Variants in AKNA observed in about 807,000 individuals in gnomAD.
AKNA encodes the protein microtubule organization protein AKNA.
Under a neutral mutation model 138.8 loss-of-function variants are expected in AKNA, and 67 were observed. The observed-to-expected ratio is 0.48, with a 90% CI of 0.40 to 0.59. AKNA has a LOEUF of 0.59. Ranked by LOEUF, AKNA falls within the 20% of genes least tolerant of loss-of-function variation. AKNA has a pLI of 0.00. For synonymous variants in AKNA, 737 were observed against 754.4 expected, an observed-to-expected ratio of 0.98 and a Z score of 0.38; for missense variants, 1,813 against 1,880.4, an observed-to-expected ratio of 0.96 and a Z score of 0.66.
At chr9:114,380,932 G>A (rs1265915124) in intron 2 of AKNA, 128 bp downstream of exon 2, 7 of 1,127,814 alleles carry the variant, frequency 6.2e-6, no homozygotes, top group Admixed American at 3.6e-5. Flanking sequence ...GTAGTGAGCC[G>A]AGATCGTGCC....
downstream of AKNA, among the ~76,000 whole-genome samples, chr9:114,333,996 T>G (rs557242576): frequency 1.6e-5 from 2 of 124,804 alleles, no homozygotes; most frequent in African/African-American, 6.5e-5. Context: ...TGTTTAAAAG[T>G]GTGTAGCACC....
intron 11 of AKNA, 78 bp from the exon 12 acceptor site, chr9:114,358,245 A>C (rs1017902399): frequency 6.3e-7 from 1 of 1,588,732 alleles, no homozygotes; most frequent in Non-Finnish European, 8.5e-7. Context: ...CTGGGAGCCA[A>C]GCAGCCCAGG....
At position 114,337,013 on chromosome 9, in the gene AKNA, G is replaced by GGGGGGGGGCC; in HGVS notation, c.*40_*41insGGCCCCCCCC. ...CCACTCCTGGCCTGGCAGGCCACCT[G>GGGGGGGGGCC]CCCACCCACCCACCCATCTGCCTCT... is the stretch of plus-strand genomic sequence containing the variant. On this transcript the variant is annotated 3_prime_UTR_variant, in exon 22 of 22. Coordinates refer to ENST00000374088, the MANE Select transcript of AKNA (RefSeq NM_001317950.2). 3 of 1,185,370 alleles carry GGGGGGGGGCC rather than the reference G, an allele frequency of 2.5e-6. No individual in the cohort carries two copies. Among genetic ancestry groups the GGGGGGGGGCC allele is most frequent in the Non-Finnish European group, 3.3e-6 (3 of 921,704 alleles). 73.4% of individuals were successfully genotyped at this position (1,185,370 alleles called of 1,614,324 possible). A position where few individuals can be genotyped will look rare whatever the true frequency, so the allele number is the denominator to read the frequency against.
intron 9 of AKNA, 163 bp from the exon 10 acceptor site, chr9:114,360,225 G>C (rs911109339): frequency 2.9e-5 from 24 of 824,562 alleles, no homozygotes; most frequent in Non-Finnish European, 4.4e-5. Flanking sequence ...ATGGAGACTG[G>C]GCTGTGTGGT....
chr9:114,379,720 A>G (rs1266826733), intron 2 of AKNA, among the ~76,000 whole-genome samples: 1 of 152,264 alleles, frequency 6.6e-6, no homozygotes, highest in East Asian at 1.9e-4. Context: ...ATAGATGGAA[A>G]AAGCAAGATT....
chr9:114,396,754 C>T (rs552079212), upstream of AKNA: 2 of 152,240 alleles, frequency 1.3e-5, no homozygotes, highest in South Asian at 4.2e-4. Context: ...AACTGAGGCA[C>T]TCAGAACTGA....
In AKNA at chr9:114,361,870, T is replaced by C; in HGVS notation, c.1958A>G (p.Glu653Gly). 1 of 1,608,014 alleles carries C rather than the reference T, an allele frequency of 6.2e-7. No individual in the cohort carries two copies. The highest frequency in any genetic ancestry group is 8.5e-7 in the Non-Finnish European group (1 of 1,179,986). ...CTGGTCTATGTGTTCCTTCAGCTCT[T>C]CCAGGCAGCTTCCCAGACGGTATAT... ...AEIYRLGSCL[E>G]ELKEHIDQTQ... is the part of the protein sequence containing the mutation. Residue 653 changes from glutamate (E) to glycine (G), a missense_variant, in exon 9 of 22, where the codon GAA becomes GGA. Coordinates refer to ENST00000374088, the MANE Select transcript of AKNA (RefSeq NM_001317950.2).
At chr9:114,388,974 G>C (rs923231239), upstream of AKNA, among the ~76,000 whole-genome samples, 13 of 152,236 alleles carry the variant, frequency 8.5e-5, no homozygotes, top group African/African-American at 3.1e-4. Flanking sequence ...AGTGTCCCAG[G>C]TGACTGGCCC....
At chr9:114,368,769 T>C (rs1832559556) in intron 4 of AKNA, among the ~76,000 whole-genome samples, 174 bp from the exon 5 acceptor site, 1 of 152,176 alleles carries the variant, frequency 6.6e-6, no homozygotes, top group Non-Finnish European at 1.5e-5. Flanking sequence ...CCTTTTCATT[T>C]ACTCTTAATG....
chr9:114,392,323 T>C (rs1210469795), upstream of AKNA, among the ~76,000 whole-genome samples: 1 of 152,236 alleles, frequency 6.6e-6, no homozygotes. Flanking sequence ...TATCTTCTAA[T>C]GCTAAACCTC....
chr9:114,379,664 T>C (rs779631377), intron 2 of AKNA, among the ~76,000 whole-genome samples: 40 of 152,280 alleles, frequency 2.6e-4, no homozygotes, highest in Non-Finnish European at 4.4e-4. Context: ...ATAGTTACCA[T>C]ATATTCAGCT....
chr9:114,364,894 G>A (rs1444500373), intron 6 of AKNA, among the ~76,000 whole-genome samples: 1 of 152,174 alleles, frequency 6.6e-6, no homozygotes, highest in East Asian at 1.9e-4. Context: ...GATATTTACT[G>A]CAGCATGAAC....
Position 114,350,839 on chromosome 9 carries a change from G to C in AKNA, c.3221+20C>G. 6.6e-7 allele frequency: 1 copy of C among 1,524,890 alleles called. No homozygotes were observed. The highest frequency in any genetic ancestry group is 2.3e-5 in the East Asian group (1 of 42,944). The allele number at this position is 1,524,890 out of a possible 1,614,324, so 94.5% of individuals were successfully genotyped here. A position where few individuals can be genotyped will look rare whatever the true frequency, so the allele number is the denominator to read the frequency against. On this transcript the variant is annotated intron_variant, in intron 15 of 21. Coordinates refer to ENST00000374088, the MANE Select transcript of AKNA (RefSeq NM_001317950.2). ...CTGTATGATGAGCTTGAATCCCCAGGATCCAAGTGTCTAACTTACTCTCGC... is the reference window on the plus strand; with the variant it reads ...CTGTATGATGAGCTTGAATCCCCAGCATCCAAGTGTCTAACTTACTCTCGC...
intron 2 of AKNA, 58 bp downstream of exon 2, chr9:114,381,000 AAG>A: frequency 6.5e-6 from 9 of 1,383,540 alleles, no homozygotes; most frequent in Admixed American, 3.2e-5. Flanking sequence ...AAAAAAAAAA[AAG>A]AACGTGTGAT....
Position 114,376,449 on chromosome 9 carries a change from C to T in AKNA, c.1341+17G>A, listed in dbSNP as rs1564652539. On this transcript the variant is annotated intron_variant, in intron 3 of 21. Transcript: ENST00000374088. ...AGGGGCCTTGGTGACACATCCACAGCCATGAGTCCCACTAACCTGGAGCTG... is the reference window on the plus strand; with the variant it reads ...AGGGGCCTTGGTGACACATCCACAGTCATGAGTCCCACTAACCTGGAGCTG... 1 of 1,613,598 alleles carries T rather than the reference C, an allele frequency of 6.2e-7. No individual in the cohort carries two copies. The highest frequency in any genetic ancestry group is 2.2e-5 in the East Asian group (1 of 44,858).
At position 114,337,185 on chromosome 9, in the gene AKNA, C is replaced by A. The variant is rs781200093; in HGVS notation, c.4189G>T (p.Glu1397Ter). Reference protein sequence around the residue: ...SIQLDLGDLEELNKALSRAVQ... With the variant: ...SIQLDLGDLE ...GCCCGGCTCAGGGCCTTGTTGAGCT[C>A]CTCTAGGTCGCCCAGGTCGAGCTGG... Residue 1397 changes from glutamate (E) to a stop codon, truncating the protein, a stop_gained, in exon 22 of 22, where the codon GAG becomes TAG. Coordinates refer to ENST00000374088, the MANE Select transcript of AKNA (RefSeq NM_001317950.2). LOFTEE classifies it high-confidence loss of function. 3.1e-6 allele frequency: 5 copies of A among 1,602,554 alleles called. No individual in the cohort carries two copies. The highest frequency in any genetic ancestry group is 2.2e-5 in the South Asian group (2 of 90,434).
intron 21 of AKNA, among the ~76,000 whole-genome samples, chr9:114,338,305 C>A (rs1350374785): frequency 6.6e-6 from 1 of 152,226 alleles, no homozygotes; most frequent in Non-Finnish European, 1.5e-5. Flanking sequence ...AGATGCATAT[C>A]CTTAGCCATC....
At chr9:114,395,564 C>T (rs1389487030), upstream of AKNA, among the ~76,000 whole-genome samples, 1 of 151,752 alleles carries the variant, frequency 6.6e-6, no homozygotes, top group African/African-American at 2.4e-5. Context: ...CTACAAAAGC[C>T]ATCTCATAAA....
In AKNA at chr9:114,337,013, G is replaced by GGGGGGGGGGGGGC; in HGVS notation, c.*40_*41insGCCCCCCCCCCCC. The GGGGGGGGGGGGGC allele has an allele frequency of 1.3e-5, 16 of 1,185,366 alleles. No individual in the cohort carries two copies. Among genetic ancestry groups the GGGGGGGGGGGGGC allele is most frequent in the Non-Finnish European group, 1.6e-5 (15 of 921,700 alleles). 73.4% of individuals were successfully genotyped at this position (1,185,366 alleles called of 1,614,324 possible). On this transcript the variant is annotated 3_prime_UTR_variant, in exon 22 of 22. Coordinates refer to ENST00000374088, the MANE Select transcript of AKNA (RefSeq NM_001317950.2). Reference sequence around the variant, plus strand: ...CCACTCCTGGCCTGGCAGGCCACCTGCCCACCCACCCACCCATCTGCCTCT... The same window carrying GGGGGGGGGGGGGC: ...CCACTCCTGGCCTGGCAGGCCACCTGGGGGGGGGGGGGCCCCACCCACCCACCCATCTGCCTCT...
Sources: gnomAD v4.1 joint callset for allele counts (sites outside exome capture counted in the v4.1 genomes callset) on GRCh38, gnomAD v4.1.1 for gene constraint, MANE v1.5 for transcripts, NCBI Gene and HGNC (gene_info 2026-07-23, HGNC 2026-07-21) for gene names.